The following CLIP1 variants were observed in gnomAD, a reference collection of about 807,000 sequenced individuals.
The protein encoded by CLIP1 is CAP-Gly domain containing linker protein 1.
A neutral mutation model predicts 161.6 loss-of-function variants in CLIP1; 66 were observed. The ratio of observed to expected loss-of-function variants is 0.41; its 90% confidence interval spans 0.33 to 0.50. CLIP1 has a LOEUF of 0.50. Among genes scored for constraint, CLIP1 ranks in the 20% least tolerant of loss-of-function variants. The pLI is 0.27. For synonymous variants in CLIP1, 598 were observed against 626.2 expected, an observed-to-expected ratio of 0.96 and a Z score of 0.67; for missense variants, 1,376 against 1,702.0, an observed-to-expected ratio of 0.81 and a Z score of 3.37.
chr12:122,417,573 C>T (rs1469650210), intron 1 of CLIP1, among the ~76,000 whole-genome samples: 4 of 140,732 alleles, frequency 2.8e-5, no homozygotes, highest in Admixed American at 2.3e-4. Context: ...AGTGCAGTGG[C>T]GAGATCTCCG....
chr12:122,404,912 C>CAAAAAAAAAAAAAAAAAA (rs373167612), intron 1 of CLIP1, among the ~76,000 whole-genome samples: 1 of 124,218 alleles, frequency 8.1e-6, no homozygotes, highest in Non-Finnish European at 1.7e-5. Flanking sequence ...AAAAAAAAAA[C>CAAAAAAAAAAAAAAAAAA]AAAACAAAAA....
At chr12:122,347,819 C>T (rs1952820802) in intron 9 of CLIP1, among the ~76,000 whole-genome samples, 1 of 152,108 alleles carries the variant, frequency 6.6e-6, no homozygotes, top group Admixed American at 6.5e-5. Flanking sequence ...TAGTTAATAT[C>T]CCTCCCTCTA....
chr12:122,328,710 T>C (rs1951809536), intron 15 of CLIP1, among the ~76,000 whole-genome samples: 1 of 152,144 alleles, frequency 6.6e-6, no homozygotes, highest in African/African-American at 2.4e-5. Flanking sequence ...GCCTCCCCAG[T>C]AGCTGGGACT....
chr12:122,319,302 G>A lies in CLIP1; in HGVS notation c.3296C>T (p.Thr1099Ile). The change falls in exon 18 of 26, where the codon ACC becomes ATC. Residue 1099 changes from threonine to isoleucine, a missense_variant. Physicochemically the swap from Thr to Ile is moderately conservative, Grantham distance 89. This residue lies in a region of CLIP1 where 948 missense variants were observed against 1,134.8 expected (regional missense o/e 0.84). Transcript: ENST00000620786. ...EDAMQIMEQM[T>I]KEKTETLASL... ...GGCCAGAGTCTCAGTCTTCTCTTTG[G>A]TCATCTGTTCCATTATCTGCATGGC... 1 of 1,614,108 alleles carries A rather than the reference G, an allele frequency of 6.2e-7. No homozygotes were observed. Among genetic ancestry groups the A allele is most frequent in the Non-Finnish European group, 8.5e-7 (1 of 1,179,942 alleles).
intron 1 of CLIP1, among the ~76,000 whole-genome samples, chr12:122,389,824 C>CTG (rs1955515103): frequency 7.5e-6 from 1 of 133,646 alleles, no homozygotes; most frequent in African/African-American, 2.7e-5. Context: ...GTTTGGATAT[C>CTG]TGTCTTCTGC....
At chr12:122,357,593 C>A (rs1455534453) in intron 5 of CLIP1, among the ~76,000 whole-genome samples, 79 of 139,356 alleles carry the variant, frequency 5.7e-4, no homozygotes, top group African/African-American at 2.1e-3. Context: ...CCAGCCGCCC[C>A]GTCCGGAAGG....
intron 9 of CLIP1, among the ~76,000 whole-genome samples, chr12:122,350,160 C>A (rs183231852): frequency 8.9e-4 from 135 of 152,304 alleles, no homozygotes; most frequent in African/African-American, 2.9e-3. Flanking sequence ...CCGCCTCAAC[C>A]TCCCAAAGTG....
At chr12:122,384,410 G>A (rs1055931622) in intron 1 of CLIP1, among the ~76,000 whole-genome samples, 4 of 152,060 alleles carry the variant, frequency 2.6e-5, no homozygotes, top group African/African-American at 9.7e-5. Context: ...AGTCCAATCA[G>A]GAATAAAGAG....
chr12:122,371,783 T>C (rs565576022), intron 3 of CLIP1, among the ~76,000 whole-genome samples: 35 of 152,236 alleles, frequency 2.3e-4, no homozygotes, highest in African/African-American at 7.9e-4. Context: ...TGGGGAACCC[T>C]CTCAAAACTG....
chr12:122,390,267 CATATATATATACATATAT>C (rs1296053431), intron 1 of CLIP1, among the ~76,000 whole-genome samples: 1 of 71,290 alleles, frequency 1.4e-5, no homozygotes, highest in Non-Finnish European at 3.1e-5. Context: ...TATACACACA[CATATATATATACATATAT>C]ATATATATAT....
chr12:122,405,418 A>G (rs1956292728), intron 1 of CLIP1, among the ~76,000 whole-genome samples: 1 of 152,188 alleles, frequency 6.6e-6, no homozygotes. Context: ...GTATTTATGT[A>G]TGCTTCATAC....
At chr12:122,346,625 C>T (rs762561671) in intron 10 of CLIP1, among the ~76,000 whole-genome samples, 2 of 152,194 alleles carry the variant, frequency 1.3e-5, no homozygotes, top group East Asian at 3.9e-4. Context: ...GCCTCAGCCT[C>T]CCATGTACCT....
intron 1 of CLIP1, among the ~76,000 whole-genome samples, chr12:122,420,148 G>A (rs973652767): frequency 1.3e-5 from 2 of 151,234 alleles, no homozygotes; most frequent in East Asian, 2.0e-4. Flanking sequence ...GATCAGCCTG[G>A]CTGGCCAACG....
intron 1 of CLIP1, among the ~76,000 whole-genome samples, chr12:122,396,211 T>C (rs183362718): frequency 2.0e-5 from 3 of 152,170 alleles, no homozygotes; most frequent in Admixed American, 1.3e-4. Flanking sequence ...AACTATTGAG[T>C]TCACCAGCCC....
rs1387173258 is a variant in CLIP1, at chr12:122,291,081, TG to T, written c.3595-2541del. 3.3e-5 allele frequency among the ~76,000 whole-genome samples: 5 copies of T among 151,632 alleles called. No individual in the cohort carries two copies. In the East Asian group the frequency reaches 5.9e-4, roughly 18 times the overall value. On this transcript the variant is annotated intron_variant, in intron 20 of 25. Transcript: ENST00000620786. ...TCATTTTTTGTATTTTTAGTAGAGG[TG>T]GGGTTTCACCATGTTGGCCAGGCTG...
chr12:122,336,769 G>T (rs1469953465), intron 11 of CLIP1, 21 bp from the exon 12 acceptor site: 2 of 1,043,286 alleles, frequency 1.9e-6, no homozygotes, highest in Non-Finnish European at 2.7e-6. Flanking sequence ...GTGTTACATG[G>T]TATAGAAGCA....
chr12:122,387,989 G>A (rs1192804121), intron 1 of CLIP1, among the ~76,000 whole-genome samples: 1 of 152,078 alleles, frequency 6.6e-6, no homozygotes, highest in East Asian at 1.9e-4. Flanking sequence ...AAGCTCTTTA[G>A]AGATCTCATT....
chr12:122,403,494 G>GTTTTTTTTTTTTTT lies in CLIP1; in HGVS notation c.-107+19026_-107+19027insAAAAAAAAAAAAAA, dbSNP rs1036910823. Among the ~76,000 whole-genome samples the GTTTTTTTTTTTTTT allele has an allele frequency of 3.6e-5, 2 of 55,816 alleles. 1 individual carries two copies. 36.6% of individuals were successfully genotyped at this position (55,816 alleles called of 152,430 possible). A position where few individuals can be genotyped will look rare whatever the true frequency, so the allele number is the denominator to read the frequency against. ...AATACAGTAGGAGACATCATTTCTT[G>GTTTTTTTTTTTTTT]TTTTGTTTTTTTTTTTTTTTTTTTT... On this transcript the variant is annotated intron_variant, in intron 1 of 25. Coordinates refer to ENST00000620786, the MANE Select transcript of CLIP1 (RefSeq NM_001247997.2).
chr12:122,345,825 G>A (rs1168389314), intron 10 of CLIP1, among the ~76,000 whole-genome samples: 3 of 149,182 alleles, frequency 2.0e-5, no homozygotes, highest in Non-Finnish European at 4.4e-5. Flanking sequence ...CGCTCTTGTT[G>A]CCCAGGCTGG....
Sources: gnomAD v4.1 joint callset for allele counts (sites outside exome capture counted in the v4.1 genomes callset) on GRCh38, gnomAD v4.1.1 for gene constraint, gnomAD v4.1.1 regional missense constraint, MANE v1.5 for transcripts, NCBI Gene and HGNC (gene_info 2026-07-23, HGNC 2026-07-21) for gene names.